Variants in ATXN1 observed in about 807,000 individuals in gnomAD.
ATXN1 encodes the protein ataxin-1.
ATXN1 carries 8 observed loss-of-function variants against 56.4 expected under a neutral mutation model. The ratio of observed to expected loss-of-function variants is 0.14; its 90% CI spans 0.08 to 0.26. The LOEUF (loss-of-function observed/expected upper bound fraction) is 0.26, where lower values mean the gene tolerates loss of function less well. Among genes scored for constraint, ATXN1 ranks in the 10% least tolerant of loss-of-function variants. The pLI is 1.00. For missense variants in ATXN1, 987 were observed against 1,106.5 expected (o/e 0.89, Z 1.53); for synonymous variants, 514 against 494.6 (o/e 1.04, Z -0.52).
intron 6 of ATXN1, among the ~76,000 whole-genome samples, chr6:16,343,150 C>T (rs558454887): frequency 6.6e-6 from 1 of 152,226 alleles, no homozygotes; most frequent in Non-Finnish European, 1.5e-5. Context: ...CAAGACCATC[C>T]TGGCTAACAC....
chr6:16,368,865 A>G (rs1189468683), intron 6 of ATXN1, among the ~76,000 whole-genome samples: 1 of 152,240 alleles, frequency 6.6e-6, no homozygotes, highest in Non-Finnish European at 1.5e-5. Context: ...GGAGATTTTC[A>G]AATTTGGGTG....
chr6:16,548,331 G>A (rs188812693), intron 4 of ATXN1, among the ~76,000 whole-genome samples: 4 of 152,174 alleles, frequency 2.6e-5, no homozygotes, highest in Admixed American at 6.5e-5. Context: ...GGTGGTGAGC[G>A]AATGTGAAGG....
chr6:16,713,230 C>A (rs1052720519), intron 2 of ATXN1, among the ~76,000 whole-genome samples: 1 of 152,178 alleles, frequency 6.6e-6, no homozygotes, highest in African/African-American at 2.4e-5. Context: ...AGGGACCGCT[C>A]CATGAATAAG....
At chr6:16,502,434 G>T (rs1760902749) in intron 5 of ATXN1, among the ~76,000 whole-genome samples, 1 of 152,128 alleles carries the variant, frequency 6.6e-6, no homozygotes, top group Admixed American at 6.6e-5. Context: ...GGTTTTCTTT[G>T]TAATAGGCTA....
At chr6:16,736,755 T>G (rs1473288915) in intron 2 of ATXN1, 1 of 152,184 alleles carries the variant, frequency 6.6e-6, no homozygotes, top group East Asian at 1.9e-4. Flanking sequence ...CACTTCAAAC[T>G]GAAATAGATT....
At chr6:16,536,493 A>G (rs796195201) in intron 4 of ATXN1, among the ~76,000 whole-genome samples, 42 of 152,334 alleles carry the variant, frequency 2.8e-4, no homozygotes, top group African/African-American at 1.0e-3. Flanking sequence ...TTTTCCTAAT[A>G]AAATGTTGGG....
chr6:16,365,953 C>T (rs1418861988), intron 6 of ATXN1, among the ~76,000 whole-genome samples: 1 of 152,254 alleles, frequency 6.6e-6, no homozygotes, highest in Admixed American at 6.5e-5. Flanking sequence ...TCTATCTAAT[C>T]CCCATATCTA....
At chr6:16,695,518 C>G (rs1759146281) in intron 2 of ATXN1, among the ~76,000 whole-genome samples, 1 of 152,158 alleles carries the variant, frequency 6.6e-6, no homozygotes, top group African/African-American at 2.4e-5. Flanking sequence ...CCCAAGCAAG[C>G]CCACCAGGTG....
chr6:16,534,189 C>A (rs1300854813), intron 4 of ATXN1, among the ~76,000 whole-genome samples: 1 of 151,940 alleles, frequency 6.6e-6, no homozygotes, highest in Admixed American at 6.6e-5. Context: ...ACTTTTCCAA[C>A]TCAGTTATTG....
intron 6 of ATXN1, among the ~76,000 whole-genome samples, chr6:16,463,874 G>C (rs933628851): frequency 6.6e-6 from 1 of 152,120 alleles, no homozygotes; most frequent in Non-Finnish European, 1.5e-5. Flanking sequence ...CTCCAGGATC[G>C]ATACCATCAA....
At chr6:16,456,751 T>G (rs1039575327) in intron 6 of ATXN1, among the ~76,000 whole-genome samples, 8 of 152,224 alleles carry the variant, frequency 5.3e-5, no homozygotes, top group African/African-American at 1.9e-4. Context: ...CTGTCCCTGG[T>G]GCTCTTCCAG....
intron 3 of ATXN1, among the ~76,000 whole-genome samples, chr6:16,597,848 T>G (rs1762842845): frequency 6.6e-6 from 1 of 151,816 alleles, no homozygotes; most frequent in Non-Finnish European, 1.5e-5. Flanking sequence ...AGACCAGGAG[T>G]GCACACATCT....
chr6:16,732,926 A>G lies in ATXN1; in HGVS notation c.-615+20307T>C, dbSNP rs116496021. 9.3e-3 allele frequency among the ~76,000 whole-genome samples: 1,411 copies of G among 152,362 alleles called. 17 individuals are homozygous for G. The highest frequency in any genetic ancestry group is 0.031 in the African/African-American group (1,293 of 41,590). On this transcript the variant is annotated intron_variant, in intron 2 of 7. Coordinates refer to ENST00000436367, the MANE Select transcript of ATXN1 (RefSeq NM_001128164.2). ...CTGCATTAAATTGCCACCTCCATCTACAGAATTGTATGGCCCTTGAAAAAC... is the reference window on the plus strand; with the variant it reads ...CTGCATTAAATTGCCACCTCCATCTGCAGAATTGTATGGCCCTTGAAAAAC...
At chr6:16,391,541 G>A (rs535854738) in intron 6 of ATXN1, among the ~76,000 whole-genome samples, 7 of 152,240 alleles carry the variant, frequency 4.6e-5, no homozygotes, top group African/African-American at 9.6e-5. Context: ...TCTCTGTGAC[G>A]GAGGAAATTT....
At chr6:16,620,692 C>G (rs960468692) in intron 3 of ATXN1, among the ~76,000 whole-genome samples, 1 of 152,190 alleles carries the variant, frequency 6.6e-6, no homozygotes, top group Non-Finnish European at 1.5e-5. Flanking sequence ...TATGCCCCCC[C>G]AAAAGGCTTT....
chr6:16,620,832 T>A (rs1440081316), intron 3 of ATXN1, among the ~76,000 whole-genome samples: 1 of 152,188 alleles, frequency 6.6e-6, no homozygotes, highest in Admixed American at 6.5e-5. Flanking sequence ...CCTACTCCGC[T>A]GGCCAGCACC....
intron 5 of ATXN1, among the ~76,000 whole-genome samples, chr6:16,520,680 C>T (rs1270766372): frequency 1.3e-5 from 2 of 152,176 alleles, no homozygotes; most frequent in Non-Finnish European, 2.9e-5. Context: ...GTGTCAGTGA[C>T]CCACATTGTA....
chr6:16,511,444 T>C (rs1373345120), intron 5 of ATXN1, among the ~76,000 whole-genome samples: 1 of 152,176 alleles, frequency 6.6e-6, no homozygotes, highest in Admixed American at 6.5e-5. Flanking sequence ...TTTAACACAA[T>C]AGACATTTAA....
At chr6:16,494,401 A>C (rs1760732550) in intron 5 of ATXN1, among the ~76,000 whole-genome samples, 1 of 152,244 alleles carries the variant, frequency 6.6e-6, no homozygotes, top group Non-Finnish European at 1.5e-5. Context: ...TTTGTGTTCA[A>C]GGAATAAAAT....
Sources: allele counts gnomAD v4.1 joint callset (sites outside exome capture counted in the v4.1 genomes callset), GRCh38; gene constraint gnomAD v4.1.1; transcripts MANE v1.5; gene names NCBI Gene and HGNC (gene_info 2026-07-23, HGNC 2026-07-21).